The following DGCR8 variants were observed in gnomAD, a reference collection of about 807,000 sequenced individuals.
DGCR8 encodes the protein microprocessor complex subunit DGCR8.
DGCR8 carries 14 observed loss-of-function variants against 78.5 expected under a neutral mutation model. That is an observed-to-expected ratio of 0.18 (90% CI 0.12 to 0.28). The LOEUF (loss-of-function observed/expected upper bound fraction) is 0.28, where lower values mean the gene tolerates loss of function less well. DGCR8 is among the 10% of genes least tolerant of loss of function. The probability of loss-of-function intolerance (pLI) is 1.00; values close to 1 mark genes in which losing one functional copy is unlikely to be tolerated. For synonymous variants in DGCR8, 399 were observed against 402.4 expected (o/e 0.99, Z 0.10); for missense variants, 702 against 1,022.5 (o/e 0.69, Z 4.28).
intron 9 of DGCR8, chr22:20,101,143 A>G: frequency 1.0e-6 from 1 of 954,648 alleles, no homozygotes. Context: ...CCTAGCACTC[A>G]GGAAATCCTC....
intron 5 of DGCR8, among the ~76,000 whole-genome samples, chr22:20,091,019 G>T (rs1258492457): frequency 6.6e-6 from 1 of 152,212 alleles, no homozygotes; most frequent in African/African-American, 2.4e-5. Context: ...GCCTGGGTGT[G>T]TTGCTGACTA....
In DGCR8 at chr22:20,110,097, G is replaced by A. The variant is rs1417276506; in HGVS notation, c.2311G>A (p.Val771Met). 1.2e-6 allele frequency: 2 copies of A among 1,610,270 alleles called. No individual in the cohort carries two copies. The highest frequency in any genetic ancestry group is 1.7e-6 in the Non-Finnish European group (2 of 1,179,930). Residue 771 changes from valine to methionine, a missense_variant, in exon 14 of 14, where the codon GTG becomes ATG. Val to Met is a conservative substitution (Grantham distance 21). Around this residue, in one of 4 missense-constraint regions of DGCR8, gnomAD observed 225 missense variants for 427.7 expected, o/e 0.53. Coordinates refer to ENST00000351989, the MANE Select transcript of DGCR8 (RefSeq NM_022720.7). Reference protein sequence around the residue: ...AQPGGEPLCTVDV With the variant: ...AQPGGEPLCTMDV ...GCCTGGCGGTGAGCCCCTGTGCACCGTGGACGTGTGAGGGAGGTGGCACGG... is the reference window on the plus strand; with the variant it reads ...GCCTGGCGGTGAGCCCCTGTGCACCATGGACGTGTGAGGGAGGTGGCACGG...
chr22:20,097,546 A>G (rs1011276639), intron 9 of DGCR8, among the ~76,000 whole-genome samples: 2 of 152,024 alleles, frequency 1.3e-5, no homozygotes, highest in Non-Finnish European at 2.9e-5. Context: ...TGATTTCAGT[A>G]ATTTGAGGCT....
chr22:20,089,604 G>A lies in DGCR8; in HGVS notation c.881-65G>A. 6.4e-7 allele frequency: 1 copy of A among 1,571,260 alleles called. No individual in the cohort carries two copies. The highest frequency in any genetic ancestry group is 8.7e-7 in the Non-Finnish European group (1 of 1,147,696). On this transcript the variant is annotated intron_variant, in intron 3 of 13. Coordinates refer to ENST00000351989, the MANE Select transcript of DGCR8 (RefSeq NM_022720.7). The surrounding 1 kb of genome is among the most constrained non-coding windows in gnomAD (Gnocchi z 4.9). ...TACCCAACAATTTCTTGTGCAGGAG[G>A]TGCTGTGGCAACAATTCCAAGTGTT...
chr22:20,110,234 G>A lies in DGCR8; in HGVS notation c.*126G>A. The stretch of plus-strand genomic sequence containing the variant: ...CTCCTTCCCTGTGGCCAACCTGTGG[G>A]CCCGGCCTTAGGGTGGAGGCTTTAG... On this transcript the variant is annotated 3_prime_UTR_variant, in exon 14 of 14. Transcript: ENST00000351989. 3 of 958,748 alleles carry A rather than the reference G, an allele frequency of 3.1e-6. No individual in the cohort carries two copies. The highest frequency in any genetic ancestry group is 4.7e-6 in the Non-Finnish European group (3 of 637,638). The allele number at this position is 958,748 out of a possible 1,614,324, so 59.4% of individuals were successfully genotyped here.
At position 20,086,160 on chromosome 22, in the gene DGCR8, C is replaced by G. The variant is rs1298133990; in HGVS notation, c.197C>G (p.Pro66Arg). 10 of 1,614,012 alleles carry G rather than the reference C, an allele frequency of 6.2e-6. No individual in the cohort carries two copies. The highest frequency in any genetic ancestry group is 1.3e-5 in the African/African-American group (1 of 74,908). Residue 66 changes from proline to arginine, a missense_variant, in exon 2 of 14, where the codon CCC (proline) becomes CGC (arginine). Transcript: ENST00000351989. The surrounding 1 kb of genome is among the most constrained non-coding windows in gnomAD (Gnocchi z 6.4). ...CAGTCCGAACTCCCTGCTGAGGACC[C>G]CTTCAACTTCTACGGAGCTTCTCTT... ...DGQSELPAEDPFNFYGASLLS... is the reference protein window; with the variant it reads ...DGQSELPAEDRFNFYGASLLS...
intron 9 of DGCR8, chr22:20,102,241 C>G: frequency 3.5e-6 from 1 of 285,164 alleles, no homozygotes; most frequent in Non-Finnish European, 5.3e-6. Context: ...TGGTCAAACT[C>G]TCCCACCTGT....
chr22:20,091,082 G>T (rs1335777943), intron 5 of DGCR8, among the ~76,000 whole-genome samples: 1 of 152,256 alleles, frequency 6.6e-6, no homozygotes, highest in African/African-American at 2.4e-5. Context: ...CAGAGAGGTG[G>T]CGGGCGCATG....
chr22:20,099,058 T>C (rs1230782694), intron 9 of DGCR8, among the ~76,000 whole-genome samples: 1 of 152,182 alleles, frequency 6.6e-6, no homozygotes, highest in Non-Finnish European at 1.5e-5. Context: ...GTAAATTCCC[T>C]GAGCCAGTAA....
At position 20,085,044 on chromosome 22, in the gene DGCR8, C is replaced by T; in HGVS notation, c.-277-643C>T. 1.0e-6 allele frequency: 1 copy of T among 985,212 alleles called. No homozygotes were observed. The highest frequency in any genetic ancestry group is 1.2e-6 in the Non-Finnish European group (1 of 829,748). 61.0% of individuals were successfully genotyped at this position (985,212 alleles called of 1,614,324 possible). A position where few individuals can be genotyped will look rare whatever the true frequency, so the allele number is the denominator to read the frequency against. On this transcript the variant is annotated intron_variant, in intron 1 of 13. Coordinates refer to ENST00000351989, the MANE Select transcript of DGCR8 (RefSeq NM_022720.7). This position sits in a 1 kb window ranked among gnomAD's most constrained non-coding sequence, Gnocchi z 6.2. ...CACCCCAAATCCTGGCAGGTCCCTT[C>T]CCCACAGCCACCCACCCCTCTCCTC...
rs1203345208 is a variant in DGCR8 at position 20,110,068 on chromosome 22, C to T, written c.2282C>T (p.Ala761Val). ...CCCAAGATGTCCATTGTGGCGTCCG[C>T]CCAGCCTGGCGGTGAGCCCCTGTGC... is the stretch of plus-strand genomic sequence containing the variant. ...KKPKMSIVAS[A>V]QPGGEPLCTV... The change falls in exon 14 of 14, where the codon GCC (alanine) becomes GTC (valine). Residue 761 changes from alanine (A) to valine (V), a missense_variant. Physicochemically the swap from Ala to Val is moderately conservative, Grantham distance 64. Coordinates refer to ENST00000351989, the MANE Select transcript of DGCR8 (RefSeq NM_022720.7). 1 of 1,612,978 alleles carries T rather than the reference C, an allele frequency of 6.2e-7. No homozygotes were observed. The highest frequency in any genetic ancestry group is 8.5e-7 in the Non-Finnish European group (1 of 1,180,020).
In DGCR8 at chr22:20,110,183, C is replaced by T. The variant is rs1339430180; in HGVS notation, c.*75C>T. 2 of 1,477,734 alleles carry T rather than the reference C, an allele frequency of 1.4e-6. No individual in the cohort carries two copies. Among genetic ancestry groups the T allele is most frequent in the Non-Finnish European group, 1.9e-6 (2 of 1,074,936 alleles). 91.5% of individuals were successfully genotyped at this position (1,477,734 alleles called of 1,614,324 possible). A position where few individuals can be genotyped will look rare whatever the true frequency, so the allele number is the denominator to read the frequency against. ...GAGACCAGCAGTCATGCATCGTGCA[C>T]CACAGTGTCAGGCCTCCAACCCACG... is the stretch of plus-strand genomic sequence containing the variant. On this transcript the variant is annotated 3_prime_UTR_variant, in exon 14 of 14. Transcript: ENST00000351989.
At chr22:20,094,377 C>T (rs1267136970) in intron 8 of DGCR8, among the ~76,000 whole-genome samples, 2 of 152,252 alleles carry the variant, frequency 1.3e-5, no homozygotes, top group Non-Finnish European at 2.9e-5. Context: ...TCAGGCCTCC[C>T]TGCATGGTCC....
chr22:20,101,019 G>A (rs2147933858), intron 9 of DGCR8, among the ~76,000 whole-genome samples: 1 of 152,312 alleles, frequency 6.6e-6, no homozygotes, highest in African/African-American at 2.4e-5. Flanking sequence ...TTTTCATGAA[G>A]GGCTGAAAGT....
intron 9 of DGCR8, among the ~76,000 whole-genome samples, chr22:20,104,517 G>C (rs1334174447): frequency 1.3e-5 from 2 of 152,332 alleles, no homozygotes; most frequent in East Asian, 3.9e-4. Flanking sequence ...AGCTGTGTGT[G>C]TGTCAGCCAC....
At chr22:20,081,535 T>C (rs1292696040) in intron 1 of DGCR8, among the ~76,000 whole-genome samples, 1 of 152,128 alleles carries the variant, frequency 6.6e-6, no homozygotes, top group East Asian at 1.9e-4. Context: ...TTCCCAGGGG[T>C]TGTTTTGTAG....
chr22:20,105,777 C>T (rs1056596347), intron 9 of DGCR8, among the ~76,000 whole-genome samples: 6 of 152,322 alleles, frequency 3.9e-5, no homozygotes, highest in Non-Finnish European at 4.4e-5. Flanking sequence ...GGCTGACTTT[C>T]CCTCTCCTGT....
At chr22:20,083,565 C>T (rs945826679) in intron 1 of DGCR8, among the ~76,000 whole-genome samples, 5 of 152,060 alleles carry the variant, frequency 3.3e-5, no homozygotes, top group Admixed American at 2.0e-4. Flanking sequence ...TTGCTTGGAA[C>T]GTCTACTCTA....
intron 5 of DGCR8, among the ~76,000 whole-genome samples, chr22:20,090,701 A>G (rs545558971): frequency 6.6e-5 from 10 of 152,264 alleles, no homozygotes; most frequent in Middle Eastern, 3.4e-3. Flanking sequence ...CAATCCTGCA[A>G]TTGCTTGCTG....
Sources: allele counts gnomAD v4.1 joint callset (sites outside exome capture counted in the v4.1 genomes callset), GRCh38; gene constraint gnomAD v4.1.1; regional missense constraint gnomAD v4.1.1; non-coding constraint Gnocchi (gnomAD v3.1); transcripts MANE v1.5; gene names NCBI Gene and HGNC (gene_info 2026-07-23, HGNC 2026-07-21).